Variants in RBFOX3 observed in about 807,000 individuals in gnomAD.
The protein encoded by RBFOX3 is RNA binding protein fox-1 homolog 3.
RBFOX3 carries 17 observed loss-of-function variants against 48.7 expected under a neutral mutation model. The observed-to-expected ratio is 0.35, with a 90% CI of 0.24 to 0.52. RBFOX3 has a LOEUF of 0.52. RBFOX3 is among the 20% of genes least tolerant of loss of function. RBFOX3 has a pLI of 0.94. For synonymous variants in RBFOX3, 212 were observed against 209.5 expected (o/e 1.01, Z -0.10); for missense variants, 382 against 497.5 (o/e 0.77, Z 2.21).
chr17:79,516,101 A>C (rs2085216774), intron 1 of RBFOX3: 1 of 152,284 alleles, frequency 6.6e-6, no homozygotes, highest in South Asian at 2.1e-4. Flanking sequence ...AGAGAGAGGC[A>C]GAGAGAGCAC....
chr17:79,605,580 G>A (rs956009118), intron 1 of RBFOX3, among the ~76,000 whole-genome samples: 34 of 152,304 alleles, frequency 2.2e-4, no homozygotes, highest in African/African-American at 7.2e-4. Context: ...CGGTTGCTCC[G>A]CCTAGGCCTC....
chr17:79,495,069 C>T (rs62062854), intron 1 of RBFOX3, among the ~76,000 whole-genome samples: 7,502 of 152,126 alleles, frequency 0.049, 250 homozygotes, highest in Admixed American at 0.081. Context: ...CATCCCCATG[C>T]GTGCTTCCCC....
Position 79,170,998 on chromosome 17 carries a change from G to A in RBFOX3, c.-33-55250C>T, listed in dbSNP as rs142568342. On this transcript the variant is annotated intron_variant, in intron 4 of 14. Transcript: ENST00000693108. ...CCCCAAACACAGAGGGCAGAGCCCC[G>A]CTCCTGAGACACCTGCCTAGGTCTC... Among the ~76,000 whole-genome samples, 1,053 of 152,104 alleles carry A rather than the reference G, an allele frequency of 6.9e-3. 10 individuals carry two copies. Among genetic ancestry groups the A allele is most frequent in the African/African-American group, 0.024 (1,010 of 41,454 alleles).
chr17:79,507,035 T>C (rs994543086), intron 1 of RBFOX3, among the ~76,000 whole-genome samples: 1 of 152,178 alleles, frequency 6.6e-6, no homozygotes, highest in Admixed American at 6.5e-5. Context: ...TGGAGCCCGT[T>C]GGTGGAATCT....
intron 2 of RBFOX3, among the ~76,000 whole-genome samples, chr17:79,399,901 C>A (rs1199142670): frequency 6.6e-6 from 1 of 152,214 alleles, no homozygotes; most frequent in Non-Finnish European, 1.5e-5. Flanking sequence ...CAGTCTAACT[C>A]CCGCTCTGGA....
At chr17:79,512,796 G>A (rs1457756032) in intron 1 of RBFOX3, among the ~76,000 whole-genome samples, 17 of 119,682 alleles carry the variant, frequency 1.4e-4, no homozygotes, top group South Asian at 2.9e-4. Context: ...CATCGGGTAC[G>A]GCCCCATGGC....
chr17:79,520,289 G>A (rs1289356273), intron 1 of RBFOX3, among the ~76,000 whole-genome samples: 4 of 152,198 alleles, frequency 2.6e-5, no homozygotes, highest in East Asian at 1.9e-4. Flanking sequence ...GGGGTGGGAC[G>A]CAGGCTGCTC....
the RBFOX3 span, among the ~76,000 whole-genome samples, chr17:79,635,133 T>C: frequency 2.1e-5 from 3 of 141,472 alleles, no homozygotes; most frequent in Non-Finnish European, 4.6e-5. Context: ...TATCTAAGGT[T>C]CCTTCTGGCT....
intron 4 of RBFOX3, among the ~76,000 whole-genome samples, chr17:79,152,289 C>T (rs889501929): frequency 6.6e-6 from 1 of 152,164 alleles, no homozygotes; most frequent in Admixed American, 6.5e-5. Context: ...GGGGCACCTC[C>T]CCCAGCCCAT....
intron 3 of RBFOX3, among the ~76,000 whole-genome samples, chr17:79,274,520 G>A (rs1740287985): frequency 6.6e-6 from 1 of 152,146 alleles, no homozygotes; most frequent in Non-Finnish European, 1.5e-5. Flanking sequence ...CCGTATCTGG[G>A]CGGGGAGGCT....
At chr17:79,378,088 C>T (rs373896691) in intron 2 of RBFOX3, among the ~76,000 whole-genome samples, 2 of 152,194 alleles carry the variant, frequency 1.3e-5, no homozygotes, top group East Asian at 1.9e-4. Context: ...GCCCGGACCC[C>T]GTGACTCCCA....
At chr17:79,313,932 G>A (rs2077189327) in intron 2 of RBFOX3, among the ~76,000 whole-genome samples, 1 of 152,224 alleles carries the variant, frequency 6.6e-6, no homozygotes, top group Non-Finnish European at 1.5e-5. Flanking sequence ...GAGGGAGGCT[G>A]TTCATCCTCA....
chr17:79,619,080 A>G, the RBFOX3 span, among the ~76,000 whole-genome samples: 136 of 152,356 alleles, frequency 8.9e-4, no homozygotes, highest in African/African-American at 3.2e-3. Context: ...TATAAGCATC[A>G]AATACTTTTC....
chr17:79,552,985 T>C (rs1485961332), intron 1 of RBFOX3, among the ~76,000 whole-genome samples: 2 of 152,222 alleles, frequency 1.3e-5, no homozygotes, highest in Non-Finnish European at 2.9e-5. Context: ...TTCCAATATT[T>C]ATTCTTCTCA....
At chr17:79,336,779 T>G (rs1368702587) in intron 2 of RBFOX3, among the ~76,000 whole-genome samples, 1 of 152,230 alleles carries the variant, frequency 6.6e-6, no homozygotes, top group Non-Finnish European at 1.5e-5. Flanking sequence ...TTTGGGGCTT[T>G]TACTGGTGGC....
At chr17:79,656,096 C>T in the RBFOX3 span, among the ~76,000 whole-genome samples, 2 of 152,340 alleles carry the variant, frequency 1.3e-5, no homozygotes, top group South Asian at 2.1e-4. Flanking sequence ...TCAAGCAAAC[C>T]ACCAGAACCC....
rs1229794037 is a variant in RBFOX3 at position 79,443,513 on chromosome 17, G to C, written c.-175+38941C>G. 6.6e-6 allele frequency among the ~76,000 whole-genome samples: 1 copy of C among 152,002 alleles called. No homozygotes were observed. Among genetic ancestry groups the C allele is most frequent in the Non-Finnish European group, 1.5e-5 (1 of 68,008 alleles). On this transcript the variant is annotated intron_variant, in intron 2 of 14. Coordinates refer to ENST00000693108, the MANE Select transcript of RBFOX3 (RefSeq NM_001350451.2). This position sits in a 1 kb window ranked among gnomAD's most constrained non-coding sequence, Gnocchi z 4.4. ...TCTCCTTGCCTCAGCCTCTTGAGTA[G>C]CTGGGATTATAGGCACCTGACACCA...
chr17:79,645,907 G>A, the RBFOX3 span, among the ~76,000 whole-genome samples: 1 of 152,182 alleles, frequency 6.6e-6, no homozygotes, highest in African/African-American at 2.4e-5. Flanking sequence ...GACTCAAAAG[G>A]AATCTGCAAT....
intron 1 of RBFOX3, among the ~76,000 whole-genome samples, chr17:79,485,633 C>T (rs1232938179): frequency 2.0e-5 from 3 of 152,340 alleles, no homozygotes; most frequent in African/African-American, 4.8e-5. Flanking sequence ...GCAAGCCAAG[C>T]TCACAGGAGA....
Sources: gnomAD v4.1 joint callset for allele counts (sites outside exome capture counted in the v4.1 genomes callset) on GRCh38, gnomAD v4.1.1 for gene constraint, Gnocchi (gnomAD v3.1) non-coding constraint, MANE v1.5 for transcripts, NCBI Gene and HGNC (gene_info 2026-07-23, HGNC 2026-07-21) for gene names.